The following SLC9C1 variants were observed in gnomAD, a reference collection of about 807,000 sequenced individuals.
SLC9C1 encodes the protein sodium/hydrogen exchanger 10.
SLC9C1 carries 97 observed loss-of-function variants against 140.9 expected under a neutral mutation model. That is an observed-to-expected ratio of 0.69 (90% CI 0.58 to 0.82). The LOEUF is 0.82. Ranked by LOEUF, SLC9C1 falls within the 40% of genes least tolerant of loss-of-function variation. The pLI is 0.00. For synonymous variants in SLC9C1, 440 were observed against 442.6 expected, an observed-to-expected ratio of 0.99 and a Z score of 0.07; for missense variants, 1,340 against 1,389.3, an observed-to-expected ratio of 0.96 and a Z score of 0.56.
At chr3:112,216,418 C>A (rs2108101230) in intron 15 of SLC9C1, among the ~76,000 whole-genome samples, 1 of 152,106 alleles carries the variant, frequency 6.6e-6, no homozygotes, top group Non-Finnish European at 1.5e-5. Context: ...AGTGAACAGG[C>A]AACCTACAGA....
At chr3:112,262,639 C>G (rs2079806551) in intron 10 of SLC9C1, among the ~76,000 whole-genome samples, 1 of 151,928 alleles carries the variant, frequency 6.6e-6, no homozygotes, top group Non-Finnish European at 1.5e-5. Context: ...TTTCACTTCT[C>G]TTGAGTGCAA....
At chr3:112,166,421 C>T (rs779758082) in intron 26 of SLC9C1, among the ~76,000 whole-genome samples, 5 of 152,176 alleles carry the variant, frequency 3.3e-5, no homozygotes, top group African/African-American at 4.8e-5. Flanking sequence ...GTGCATCCTT[C>T]GAGCTGGAGA....
At chr3:112,162,984 C>G (rs1207669447) in intron 26 of SLC9C1, among the ~76,000 whole-genome samples, 8 of 127,820 alleles carry the variant, frequency 6.3e-5, no homozygotes, top group South Asian at 2.9e-4. Context: ...TCAACTTCTT[C>G]CTGGTTTAGT....
intron 28 of SLC9C1, among the ~76,000 whole-genome samples, chr3:112,146,346 T>G (rs973075769): frequency 6.6e-6 from 1 of 152,236 alleles, no homozygotes; most frequent in Non-Finnish European, 1.5e-5. Context: ...ATTTCTTTTC[T>G]TCTGCTAGCT....
chr3:112,173,159 T>G (rs2077275888), intron 23 of SLC9C1, among the ~76,000 whole-genome samples: 1 of 152,212 alleles, frequency 6.6e-6, no homozygotes, highest in African/African-American at 2.4e-5. Flanking sequence ...AACTCATCAG[T>G]AAAACCATCT....
chr3:112,280,693 G>T lies in SLC9C1; in HGVS notation c.179C>A (p.Thr60Lys). The part of the protein sequence containing the change: ...LGCSFEVLSF[T>K]SSQVQRYANA... Reference sequence around the variant, plus strand: ...ATTTACAATACACACCTGTGAAGATGTAAAGCTTAATACTTCAAAACTGCA... The same window carrying T: ...ATTTACAATACACACCTGTGAAGATTTAAAGCTTAATACTTCAAAACTGCA... The change falls in exon 3 of 29, where the codon ACA becomes AAA. Residue 60 changes from threonine (T) to lysine (K), a missense_variant. Physicochemically the swap from Thr to Lys is moderately conservative, Grantham distance 78. Transcript: ENST00000305815. 6.2e-7 allele frequency: 1 copy of T among 1,606,906 alleles called. No individual in the cohort carries two copies. The highest frequency in any genetic ancestry group is 1.7e-5 in the Admixed American group (1 of 58,152).
intron 6 of SLC9C1, among the ~76,000 whole-genome samples, chr3:112,272,428 T>C (rs2080102396): frequency 6.6e-6 from 1 of 152,140 alleles, no homozygotes; most frequent in Non-Finnish European, 1.5e-5. Context: ...TTTTCCCTAT[T>C]ATAAAATATG....
intron 13 of SLC9C1, among the ~76,000 whole-genome samples, chr3:112,226,183 A>G (rs1576387628): frequency 6.6e-6 from 1 of 152,294 alleles, no homozygotes; most frequent in South Asian, 2.1e-4. Context: ...TTAAAATCAT[A>G]TCAAGTATCT....
rs537186761 is a variant in SLC9C1, at chr3:112,245,814, T to C, written c.1198-1738A>G. On this transcript the variant is annotated intron_variant, in intron 10 of 28. Transcript: ENST00000305815. Reference sequence around the variant, plus strand: ...TAATAATTCCAAGTCTTCAAATCCATATTGGAATATATATTTTACATAGGT... The same window carrying C: ...TAATAATTCCAAGTCTTCAAATCCACATTGGAATATATATTTTACATAGGT... Among the ~76,000 whole-genome samples the C allele has an allele frequency of 4.4e-4, 67 of 152,290 alleles. No homozygotes were observed. In the South Asian group the frequency reaches 0.011, roughly 25 times the overall value.
At chr3:112,165,954 C>G (rs1275481841) in intron 26 of SLC9C1, among the ~76,000 whole-genome samples, 1 of 152,216 alleles carries the variant, frequency 6.6e-6, no homozygotes, top group African/African-American at 2.4e-5. Context: ...TTTACCTACT[C>G]AAGCCTAAGC....
At chr3:112,147,038 A>G (rs914940026) in intron 28 of SLC9C1, among the ~76,000 whole-genome samples, 1 of 152,190 alleles carries the variant, frequency 6.6e-6, no homozygotes, top group African/African-American at 2.4e-5. Context: ...TGAACCCTTT[A>G]TCATTACATA....
intron 23 of SLC9C1, among the ~76,000 whole-genome samples, chr3:112,173,992 G>A (rs1398771994): frequency 6.6e-6 from 1 of 152,122 alleles, no homozygotes; most frequent in Non-Finnish European, 1.5e-5. Context: ...GTGTGAGATG[G>A]TATCTCATTG....
At chr3:112,279,953 C>T (rs2080314612) in intron 3 of SLC9C1, among the ~76,000 whole-genome samples, 1 of 152,228 alleles carries the variant, frequency 6.6e-6, no homozygotes. Flanking sequence ...TAACATTGGT[C>T]TCTTCCTTTG....
intron 6 of SLC9C1, among the ~76,000 whole-genome samples, chr3:112,271,393 G>GTGTATATATATATATATATATATATA (rs142798462): frequency 4.8e-5 from 6 of 125,596 alleles, no homozygotes; most frequent in South Asian, 2.8e-4. Flanking sequence ...ATTCTACATT[G>GTGTATATATATATATATATATATATA]TATATATATA....
At chr3:112,250,162 G>A (rs2108254572) in intron 10 of SLC9C1, among the ~76,000 whole-genome samples, 1 of 151,166 alleles carries the variant, frequency 6.6e-6, no homozygotes, top group South Asian at 2.1e-4. Flanking sequence ...AACATGCGGT[G>A]TTTGGTTTTT....
At chr3:112,163,874 T>C (rs1368942109) in intron 26 of SLC9C1, among the ~76,000 whole-genome samples, 1 of 151,864 alleles carries the variant, frequency 6.6e-6, no homozygotes, top group Non-Finnish European at 1.5e-5. Context: ...CAGTGGGGTG[T>C]TAAAGTCTCC....
At chr3:112,180,293 G>T (rs564316892) in intron 22 of SLC9C1, among the ~76,000 whole-genome samples, 1 of 152,144 alleles carries the variant, frequency 6.6e-6, no homozygotes, top group Non-Finnish European at 1.5e-5. Context: ...AGGCTGAGGC[G>T]GGCGGATCAC....
intron 8 of SLC9C1, 69 bp from the exon 9 acceptor site, chr3:112,264,412 T>A: frequency 1.1e-6 from 1 of 935,388 alleles, no homozygotes; most frequent in Non-Finnish European, 1.4e-6. Flanking sequence ...ACAAGGTTTA[T>A]CTATGTGAAT....
intron 12 of SLC9C1, among the ~76,000 whole-genome samples, chr3:112,235,965 A>T (rs1249554734): frequency 6.6e-6 from 1 of 152,212 alleles, no homozygotes; most frequent in African/African-American, 2.4e-5. Context: ...CTTTGGTATC[A>T]GGATGATGCT....
Sources: allele counts gnomAD v4.1 joint callset (sites outside exome capture counted in the v4.1 genomes callset), GRCh38; gene constraint gnomAD v4.1.1; transcripts MANE v1.5; gene names NCBI Gene and HGNC (gene_info 2026-07-23, HGNC 2026-07-21).